Variants in PACSIN2 observed in about 807,000 individuals in gnomAD.
The protein encoded by PACSIN2 is protein kinase C and casein kinase substrate in neurons protein 2.
PACSIN2 carries 25 observed loss-of-function variants against 63.8 expected under a neutral mutation model. That is an observed-to-expected ratio of 0.39 (90% confidence interval 0.29 to 0.55). PACSIN2 has a LOEUF of 0.55. Ranked by LOEUF, PACSIN2 falls within the 20% of genes least tolerant of loss-of-function variation. PACSIN2 has a pLI of 0.62. For missense variants in PACSIN2, 518 were observed against 646.9 expected, an observed-to-expected ratio of 0.80 and a Z score of 2.16; for synonymous variants, 255 against 256.2, an observed-to-expected ratio of 1.00 and a Z score of 0.05.
At chr22:42,884,856 GTCC>G (rs1457957462) in intron 5 of PACSIN2, among the ~76,000 whole-genome samples, 7 of 152,246 alleles carry the variant, frequency 4.6e-5, no homozygotes, top group African/African-American at 1.7e-4. Flanking sequence ...ACACGCCCAT[GTCC>G]TCTTCTCCCT....
At chr22:42,979,850 C>A (rs1326242810) in intron 1 of PACSIN2, among the ~76,000 whole-genome samples, 1 of 152,142 alleles carries the variant, frequency 6.6e-6, no homozygotes, top group Non-Finnish European at 1.5e-5. Context: ...GATATGTTGC[C>A]CAGTGTGCTG....
chr22:42,873,124 G>A (rs1033386173), intron 10 of PACSIN2, among the ~76,000 whole-genome samples: 1 of 152,320 alleles, frequency 6.6e-6, no homozygotes, highest in East Asian at 1.9e-4. Flanking sequence ...AAAATAGAAC[G>A]GACAGGAAAG....
chr22:42,998,706 C>A (rs559104583), intron 1 of PACSIN2, among the ~76,000 whole-genome samples: 18 of 152,296 alleles, frequency 1.2e-4, no homozygotes, highest in African/African-American at 4.3e-4. Context: ...GAGCCCCACC[C>A]TCAAGCCTGG....
intron 1 of PACSIN2, among the ~76,000 whole-genome samples, chr22:43,013,873 G>A (rs1487722754): frequency 6.6e-6 from 1 of 152,138 alleles, no homozygotes; most frequent in Admixed American, 6.5e-5. Flanking sequence ...CACCGGACAG[G>A]CGGAGGGAAA....
intron 1 of PACSIN2, among the ~76,000 whole-genome samples, chr22:42,942,934 G>A (rs1933239548): frequency 6.6e-6 from 1 of 152,178 alleles, no homozygotes; most frequent in African/African-American, 2.4e-5. Flanking sequence ...TTGGCTTGTT[G>A]CTTTGGGATT....
intron 1 of PACSIN2, among the ~76,000 whole-genome samples, chr22:43,010,900 C>A (rs1171023289): frequency 1.3e-5 from 2 of 152,196 alleles, no homozygotes; most frequent in African/African-American, 2.4e-5. Context: ...GTGTGCTTTT[C>A]ATCAAAATGT....
At chr22:43,012,154 A>AATACATACATACATACATAC (rs71311476) in intron 1 of PACSIN2, among the ~76,000 whole-genome samples, 3 of 133,906 alleles carry the variant, frequency 2.2e-5, no homozygotes, top group Non-Finnish European at 3.2e-5. Context: ...AAAATAAATA[A>AATACATACATACATACATAC]ATACATACAT....
Position 42,912,140 on chromosome 22 carries a change from CA to C in PACSIN2, c.-61del. ...TAGTCAGGGGTCAACTTCGAACGCT[CA>C]AAATCTGTAGACAAACCTATAAATG... On this transcript the variant is annotated 5_prime_UTR_variant, in exon 2 of 11. Coordinates refer to ENST00000263246, the MANE Select transcript of PACSIN2 (RefSeq NM_001184970.3). 1 of 1,196,550 alleles carries C rather than the reference CA, an allele frequency of 8.4e-7. No homozygotes were observed. 74.1% of individuals were successfully genotyped at this position (1,196,550 alleles called of 1,614,324 possible).
intron 2 of PACSIN2, among the ~76,000 whole-genome samples, chr22:42,908,312 AG>A (rs1358633563): frequency 1.3e-5 from 2 of 152,186 alleles, no homozygotes; most frequent in Non-Finnish European, 1.5e-5. Flanking sequence ...TCAGAGATGC[AG>A]GCAGCGGCTC....
chr22:42,889,491 G>A (rs1199976317), intron 4 of PACSIN2, among the ~76,000 whole-genome samples: 1 of 151,420 alleles, frequency 6.6e-6, no homozygotes, highest in South Asian at 2.1e-4. Context: ...ATGAGACACA[G>A]ACAGTTTCAT....
chr22:42,972,650 C>T (rs978906348), intron 1 of PACSIN2, among the ~76,000 whole-genome samples: 2 of 152,116 alleles, frequency 1.3e-5, no homozygotes, highest in African/African-American at 4.8e-5. Flanking sequence ...CCAAAGTGGC[C>T]AAAGGAGAAT....
At chr22:42,935,241 T>C (rs1041689222) in intron 1 of PACSIN2, among the ~76,000 whole-genome samples, 2 of 152,146 alleles carry the variant, frequency 1.3e-5, no homozygotes, top group African/African-American at 4.8e-5. Flanking sequence ...ATGAATTTTT[T>C]AGGAAACCTC....
At chr22:42,968,828 G>A (rs1921030940) in intron 1 of PACSIN2, among the ~76,000 whole-genome samples, 2 of 152,204 alleles carry the variant, frequency 1.3e-5, no homozygotes, top group African/African-American at 2.4e-5. Context: ...TTGGACTCCT[G>A]GACTTATACC....
At chr22:42,901,452 G>C (rs1221580107) in intron 2 of PACSIN2, among the ~76,000 whole-genome samples, 1 of 152,200 alleles carries the variant, frequency 6.6e-6, no homozygotes, top group Non-Finnish European at 1.5e-5. Context: ...GCCCTAACAA[G>C]ACCTCCTTCC....
chr22:42,971,118 G>T (rs1921226395), intron 1 of PACSIN2, among the ~76,000 whole-genome samples: 1 of 152,054 alleles, frequency 6.6e-6, no homozygotes. Context: ...TCCCTCCACG[G>T]TCTCCCTCTG....
intron 2 of PACSIN2, among the ~76,000 whole-genome samples, chr22:42,901,978 G>A (rs1312358236): frequency 1.3e-5 from 2 of 152,188 alleles, no homozygotes; most frequent in African/African-American, 4.8e-5. Context: ...GCCACCAGCT[G>A]GCTGGCTCCC....
intron 4 of PACSIN2, among the ~76,000 whole-genome samples, chr22:42,889,373 TACACACACACACAC>T (rs58408551): frequency 8.2e-6 from 1 of 122,424 alleles, no homozygotes; most frequent in Admixed American, 8.5e-5. Context: ...TAATGGTTTT[TACACACACACACAC>T]ACACACACAC....
chr22:42,911,342 C>CA (rs1358898207), intron 2 of PACSIN2, among the ~76,000 whole-genome samples: 1 of 148,548 alleles, frequency 6.7e-6, no homozygotes, highest in African/African-American at 2.5e-5. Flanking sequence ...CCCAGGAGAT[C>CA]AAGGCTTCAG....
chr22:42,914,755 A>T (rs1437672160), intron 1 of PACSIN2, among the ~76,000 whole-genome samples: 1 of 152,186 alleles, frequency 6.6e-6, no homozygotes, highest in Admixed American at 6.5e-5. Context: ...CCTGCTCCGG[A>T]CTGAGAGGCA....
Sources: gnomAD v4.1 joint callset for allele counts (sites outside exome capture counted in the v4.1 genomes callset) on GRCh38, gnomAD v4.1.1 for gene constraint, MANE v1.5 for transcripts, NCBI Gene and HGNC (gene_info 2026-07-23, HGNC 2026-07-21) for gene names.